SHROOM3: variants seen among roughly 807,000 people sequenced by gnomAD.
The protein encoded by SHROOM3 is shroom family member 3, also known as protein Shroom3.
A neutral mutation model predicts 138.6 loss-of-function variants in SHROOM3; 47 were observed. The ratio of observed to expected loss-of-function variants is 0.34; its 90% CI spans 0.27 to 0.43. The LOEUF (loss-of-function observed/expected upper bound fraction) is 0.43, where lower values mean the gene tolerates loss of function less well. SHROOM3 is among the 20% of genes least tolerant of loss of function. The pLI, the probability that SHROOM3 is intolerant of heterozygous loss-of-function variation, is 1.00. For synonymous variants in SHROOM3, 1,062 were observed against 1,063.3 expected (o/e 1.00, Z 0.02); for missense variants, 2,491 against 2,596.5 (o/e 0.96, Z 0.88).
chr4:76,702,261 A>C (rs1036816249), intron 2 of SHROOM3, among the ~76,000 whole-genome samples: 1 of 152,186 alleles, frequency 6.6e-6, no homozygotes, highest in Non-Finnish European at 1.5e-5. Flanking sequence ...TCTACTTTTT[A>C]ATTTAATTTT....
rs200781510 is a variant in SHROOM3, at chr4:76,756,629, G to A, written c.4890G>A (p.Gly1630=). ...CCCAACTTGCTGGGTCTCTTGGTGG[G>A]CAGCCAGCACCCATCCAGACTCAAA... The part of the protein sequence containing the change: ...VHAQLAGSLG[G]QPAPIQTQSL... Residue 1630 remains glycine, a synonymous_variant, in exon 8 of 11, where the codon GGG becomes GGA. Coordinates refer to ENST00000296043, the MANE Select transcript of SHROOM3 (RefSeq NM_020859.4). 1.0e-4 allele frequency: 164 copies of A among 1,613,166 alleles called. No individual in the cohort carries two copies. Among genetic ancestry groups the A allele is most frequent in the Non-Finnish European group, 1.4e-4 (162 of 1,179,768 alleles).
chr4:76,756,723 A>C lies in SHROOM3; in HGVS notation c.4984A>C (p.Ser1662Arg). Residue 1662 changes from serine to arginine, a missense_variant, in exon 8 of 11, where the codon AGT becomes CGT. Around this residue, in one of 4 missense-constraint regions of SHROOM3, gnomAD observed 470 missense variants for 595.0 expected, o/e 0.79. Coordinates refer to ENST00000296043, the MANE Select transcript of SHROOM3 (RefSeq NM_020859.4). ...GAAAGTCAGTCCTGATCCTCAGAAG[A>C]GTTCAGAAGACATCAGAACAGAGGC... ...EKKVSPDPQK[S>R]SEDIRTEALA... 6.2e-7 allele frequency: 1 copy of C among 1,614,194 alleles called. No homozygotes were observed. The highest frequency in any genetic ancestry group is 1.1e-5 in the South Asian group (1 of 91,080).
intron 1 of SHROOM3, among the ~76,000 whole-genome samples, chr4:76,465,727 C>T (rs2109978531): frequency 6.6e-6 from 1 of 152,314 alleles, no homozygotes. Flanking sequence ...AGGACCTAAA[C>T]AGACACAGAA....
intron 2 of SHROOM3, among the ~76,000 whole-genome samples, chr4:76,568,439 T>A (rs1487621668): frequency 6.6e-6 from 1 of 152,240 alleles, no homozygotes; most frequent in African/African-American, 2.4e-5. Flanking sequence ...ATCTTCACTA[T>A]CCTTCTATTC....
At chr4:76,610,844 T>C (rs1013973726) in intron 2 of SHROOM3, among the ~76,000 whole-genome samples, 2 of 152,190 alleles carry the variant, frequency 1.3e-5, no homozygotes, top group Middle Eastern at 3.2e-3. Flanking sequence ...AGGTTCTCAC[T>C]GATGAACATG....
At chr4:76,641,230 G>A (rs996273197) in intron 2 of SHROOM3, among the ~76,000 whole-genome samples, 3 of 152,188 alleles carry the variant, frequency 2.0e-5, no homozygotes, top group Admixed American at 6.5e-5. Flanking sequence ...TAACTTGAGT[G>A]CCTATCATTC....
intron 2 of SHROOM3, among the ~76,000 whole-genome samples, chr4:76,698,264 A>G (rs957703163): frequency 2.0e-5 from 3 of 152,194 alleles, no homozygotes; most frequent in Admixed American, 6.5e-5. Context: ...TGCATTTGGC[A>G]TGAGCTTAAA....
At chr4:76,593,922 C>T (rs1249780885) in intron 2 of SHROOM3, among the ~76,000 whole-genome samples, 1 of 152,172 alleles carries the variant, frequency 6.6e-6, no homozygotes, top group Non-Finnish European at 1.5e-5. Context: ...TGTCACATCG[C>T]TACTGCTGGC....
chr4:76,622,146 G>GT, intron 2 of SHROOM3, among the ~76,000 whole-genome samples: 1 of 152,090 alleles, frequency 6.6e-6, no homozygotes. Context: ...ATCCCATTTA[G>GT]TTTTGGGAAA....
At chr4:76,635,534 A>C (rs546337120) in intron 2 of SHROOM3, among the ~76,000 whole-genome samples, 1 of 152,198 alleles carries the variant, frequency 6.6e-6, no homozygotes, top group Non-Finnish European at 1.5e-5. Flanking sequence ...CCTACCATTC[A>C]GGTTGTAGAA....
intron 2 of SHROOM3, among the ~76,000 whole-genome samples, chr4:76,650,795 A>G (rs1156801508): frequency 6.6e-6 from 1 of 152,100 alleles, no homozygotes; most frequent in African/African-American, 2.4e-5. Context: ...CACCCATCTC[A>G]GTCTCCCAAA....
intron 5 of SHROOM3, among the ~76,000 whole-genome samples, chr4:76,743,776 A>G (rs899947054): frequency 2.6e-5 from 4 of 152,224 alleles, no homozygotes; most frequent in African/African-American, 9.6e-5. Flanking sequence ...GCAACTTCCC[A>G]TAAGCCTTCA....
chr4:76,673,882 GTTTAT>G (rs913712424), intron 2 of SHROOM3, among the ~76,000 whole-genome samples: 5 of 152,002 alleles, frequency 3.3e-5, no homozygotes, highest in African/African-American at 9.7e-5. Context: ...TTATTTATTT[GTTTAT>G]TTTGAGACAG....
intron 2 of SHROOM3, among the ~76,000 whole-genome samples, chr4:76,608,440 A>T (rs1734668047): frequency 6.6e-6 from 1 of 152,246 alleles, no homozygotes; most frequent in Non-Finnish European, 1.5e-5. Context: ...CAGAGCTTGC[A>T]AAGCATCACC....
intron 1 of SHROOM3, among the ~76,000 whole-genome samples, chr4:76,470,079 A>G (rs1052526705): frequency 6.6e-6 from 1 of 152,194 alleles, no homozygotes; most frequent in African/African-American, 2.4e-5. Context: ...TTAATGCTTT[A>G]TATGCATTAA....
At chr4:76,680,403 T>C (rs920405733) in intron 2 of SHROOM3, among the ~76,000 whole-genome samples, 2 of 152,210 alleles carry the variant, frequency 1.3e-5, no homozygotes, top group African/African-American at 4.8e-5. Context: ...CCTCCCAAAG[T>C]ACTGGGATTA....
At chr4:76,569,707 T>TTC (rs1733796845) in intron 2 of SHROOM3, among the ~76,000 whole-genome samples, 3 of 151,906 alleles carry the variant, frequency 2.0e-5, no homozygotes, top group Non-Finnish European at 4.4e-5. Context: ...CAGTTTTTTT[T>TTC]TTTTCCCCTC....
intron 2 of SHROOM3, among the ~76,000 whole-genome samples, chr4:76,572,494 C>G (rs1733852343): frequency 6.6e-6 from 1 of 152,134 alleles, no homozygotes; most frequent in Non-Finnish European, 1.5e-5. Context: ...AGTAGGAAAC[C>G]TTAGTGGTCA....
At chr4:76,729,469 T>C (rs1011426363) in intron 3 of SHROOM3, among the ~76,000 whole-genome samples, 1 of 152,254 alleles carries the variant, frequency 6.6e-6, no homozygotes, top group Non-Finnish European at 1.5e-5. Context: ...ACAAGAACAT[T>C]TTCCTATCAC....
Sources: allele counts gnomAD v4.1 joint callset (sites outside exome capture counted in the v4.1 genomes callset), GRCh38; gene constraint gnomAD v4.1.1; regional missense constraint gnomAD v4.1.1; transcripts MANE v1.5; gene names NCBI Gene and HGNC (gene_info 2026-07-23, HGNC 2026-07-21).